Variants in DENND5A observed in about 807,000 individuals in gnomAD.
DENND5A encodes the protein DENN domain containing 5A, also known as DENN domain-containing protein 5A.
A neutral mutation model predicts 140.3 loss-of-function variants in DENND5A; 64 were observed. The observed-to-expected ratio is 0.46, with a 90% CI of 0.37 to 0.56. The LOEUF (loss-of-function observed/expected upper bound fraction) is 0.56. Among genes scored for constraint, DENND5A ranks in the 20% least tolerant of loss-of-function variants. The pLI is 0.00. For missense variants in DENND5A, 1,292 were observed against 1,593.8 expected (o/e 0.81, Z 3.22); for synonymous variants, 605 against 607.7 (o/e 1.00, Z 0.07).
In DENND5A at chr11:9,143,598, G is replaced by A. The variant is rs144562274; in HGVS notation, c.3305-113C>T. The A allele has an allele frequency of 8.1e-5, 70 of 863,986 alleles. No individual in the cohort carries two copies. In the African/African-American group the frequency reaches 1.1e-3, roughly 14 times the overall value. The allele number at this position is 863,986 out of a possible 1,614,324, so 53.5% of individuals were successfully genotyped here. A position where few individuals can be genotyped will look rare whatever the true frequency, so the allele number is the denominator to read the frequency against. On this transcript the variant is annotated intron_variant, in intron 19 of 22. Transcript: ENST00000328194. ...GGCCCATAGGAGAGGCAGGGCAGCT[G>A]GACCCTAGGAAGCAGAGGCGCTTGC... is the stretch of plus-strand genomic sequence containing the variant.
chr11:9,152,343 C>T lies in DENND5A; in HGVS notation c.2521+15G>A, dbSNP rs760677106. ...TGGAGAGAGGGCAGACTCTCCATTGCAGAGACTATCTTACCTGAGGTACTG... is the reference window on the plus strand; with the variant it reads ...TGGAGAGAGGGCAGACTCTCCATTGTAGAGACTATCTTACCTGAGGTACTG... On this transcript the variant is annotated intron_variant, in intron 13 of 22. Coordinates refer to ENST00000328194, the MANE Select transcript of DENND5A (RefSeq NM_015213.4). The T allele has an allele frequency of 3.8e-6, 6 of 1,579,502 alleles. No homozygotes were observed. The highest frequency in any genetic ancestry group is 1.3e-5 in the African/African-American group (1 of 74,150).
At chr11:9,238,417 TTTAAA>T (rs980376416) in intron 1 of DENND5A, among the ~76,000 whole-genome samples, 18 of 150,792 alleles carry the variant, frequency 1.2e-4, no homozygotes, top group African/African-American at 4.2e-4. Context: ...CTTTACTGTC[TTTAAA>T]TTACTTTTTT....
chr11:9,199,787 C>T (rs1354154167), intron 4 of DENND5A, among the ~76,000 whole-genome samples: 5 of 152,148 alleles, frequency 3.3e-5, no homozygotes, highest in Admixed American at 6.5e-5. Flanking sequence ...TGTTTTTGGC[C>T]AGAGTGATTT....
intron 8 of DENND5A, chr11:9,175,523 AAG>A: frequency 6.6e-6 from 1 of 152,376 alleles, no homozygotes; most frequent in Admixed American, 6.5e-5. Context: ...CAACTTTGAA[AAG>A]AACAAAGTTA....
chr11:9,192,236 C>T (rs1035307194), intron 5 of DENND5A, among the ~76,000 whole-genome samples: 1 of 152,154 alleles, frequency 6.6e-6, no homozygotes, highest in Non-Finnish European at 1.5e-5. Context: ...AAAGATGCTG[C>T]CCAGTCATGA....
chr11:9,150,355 G>A, intron 14 of DENND5A, 146 bp from the exon 15 acceptor site: 1 of 1,046,310 alleles, frequency 9.6e-7, no homozygotes, highest in South Asian at 1.6e-5. Flanking sequence ...CCAAATACTG[G>A]GCTTCCATGT....
intron 11 of DENND5A, among the ~76,000 whole-genome samples, chr11:9,164,179 G>T (rs1590222324): frequency 1.6e-5 from 2 of 121,728 alleles, no homozygotes; most frequent in Non-Finnish European, 3.2e-5. Flanking sequence ...CTAAAGGTGT[G>T]CACCACCACG....
At chr11:9,156,870 T>A (rs937502686) in intron 12 of DENND5A, among the ~76,000 whole-genome samples, 11 of 142,654 alleles carry the variant, frequency 7.7e-5, no homozygotes, top group South Asian at 6.8e-4. Context: ...GAAGGATGGA[T>A]GGAAGGAAGG....
chr11:9,231,435 G>A (rs747906599), intron 1 of DENND5A, among the ~76,000 whole-genome samples: 12 of 151,690 alleles, frequency 7.9e-5, no homozygotes, highest in Non-Finnish European at 1.3e-4. Context: ...TGGGAGCCAG[G>A]CTGGGCGCGG....
At chr11:9,241,978 C>T (rs1851255191) in intron 1 of DENND5A, among the ~76,000 whole-genome samples, 2 of 146,616 alleles carry the variant, frequency 1.4e-5, no homozygotes, top group Admixed American at 1.4e-4. Context: ...TGCACCATTG[C>T]GCTCCAGCCT....
intron 5 of DENND5A, among the ~76,000 whole-genome samples, chr11:9,191,870 T>A (rs529127334): frequency 6.6e-6 from 1 of 152,248 alleles, no homozygotes; most frequent in African/African-American, 2.4e-5. Context: ...CTAAGTTGTA[T>A]CAATATTAAA....
At chr11:9,183,658 C>G (rs997088390) in intron 5 of DENND5A, among the ~76,000 whole-genome samples, 4 of 152,116 alleles carry the variant, frequency 2.6e-5, no homozygotes, top group Admixed American at 2.6e-4. Context: ...CCTCCCACCT[C>G]AGCCTCCCAA....
At chr11:9,219,086 G>A (rs749495610) in intron 1 of DENND5A, among the ~76,000 whole-genome samples, 1 of 151,696 alleles carries the variant, frequency 6.6e-6, no homozygotes, top group Non-Finnish European at 1.5e-5. Flanking sequence ...CATCCAAGAG[G>A]TCTAAAACCC....
intron 11 of DENND5A, among the ~76,000 whole-genome samples, chr11:9,162,121 C>CT (rs1848003481): frequency 6.7e-6 from 1 of 148,674 alleles, no homozygotes; most frequent in Non-Finnish European, 1.5e-5. Context: ...AGCAACAACT[C>CT]TTAATATTTT....
intron 4 of DENND5A, among the ~76,000 whole-genome samples, chr11:9,201,843 C>A (rs1256168961): frequency 6.6e-6 from 1 of 151,468 alleles, no homozygotes; most frequent in East Asian, 1.9e-4. Flanking sequence ...TAAAGAAGAA[C>A]AGAATAATTA....
chr11:9,158,574 TA>T (rs1227690008), intron 12 of DENND5A, among the ~76,000 whole-genome samples: 1 of 151,790 alleles, frequency 6.6e-6, no homozygotes. Flanking sequence ...TAAATTAATA[TA>T]AAATAAAATA....
intron 1 of DENND5A, among the ~76,000 whole-genome samples, chr11:9,245,023 G>A (rs563760338): frequency 6.7e-6 from 1 of 149,662 alleles, no homozygotes; most frequent in African/African-American, 2.4e-5. Context: ...GGTGGCTCAT[G>A]CCTGTAATCC....
At chr11:9,215,905 T>C (rs1176937510) in intron 1 of DENND5A, among the ~76,000 whole-genome samples, 1 of 152,088 alleles carries the variant, frequency 6.6e-6, no homozygotes, top group Non-Finnish European at 1.5e-5. Context: ...CTTCCAAATA[T>C]AGTGAGCTCC....
intron 21 of DENND5A, 138 bp from the exon 22 acceptor site, chr11:9,142,246 G>C: frequency 3.3e-6 from 2 of 612,128 alleles, no homozygotes; most frequent in Non-Finnish European, 5.3e-6. Flanking sequence ...TGATGTCACT[G>C]GTCATGTTTC....
Sources: gnomAD v4.1 joint callset for allele counts (sites outside exome capture counted in the v4.1 genomes callset) on GRCh38, gnomAD v4.1.1 for gene constraint, MANE v1.5 for transcripts, NCBI Gene and HGNC (gene_info 2026-07-23, HGNC 2026-07-21) for gene names.